The following AGAP1 variants were observed in gnomAD, a reference collection of about 807,000 sequenced individuals.
AGAP1 encodes ArfGAP with GTPase domain, ankyrin repeat and PH domain 1.
A neutral mutation model predicts 105.3 loss-of-function variants in AGAP1; 29 were observed. The observed-to-expected ratio is 0.28, with a 90% CI of 0.21 to 0.38. The LOEUF (loss-of-function observed/expected upper bound fraction) is 0.38. Among genes scored for constraint, AGAP1 ranks in the 10% least tolerant of loss-of-function variants. The probability of loss-of-function intolerance (pLI) is 1.00; values close to 1 mark genes in which losing one functional copy is unlikely to be tolerated. For missense variants in AGAP1, 998 were observed against 1,165.1 expected (o/e 0.86, Z 2.09); for synonymous variants, 509 against 485.9 (o/e 1.05, Z -0.63).
Position 235,599,946 on chromosome 2 carries a change from G to A in AGAP1, c.163+105097G>A, listed in dbSNP as rs984803573. On this transcript the variant is annotated intron_variant, in intron 1 of 17. Transcript: ENST00000304032. This position sits in a 1 kb window ranked among gnomAD's most constrained non-coding sequence, Gnocchi z 5.3. ...TCAGGGAAGTGCCTGTGTTCAGGGCGGAGGTTCCACTGTGATTTGAAAACA... is the reference window on the plus strand; with the variant it reads ...TCAGGGAAGTGCCTGTGTTCAGGGCAGAGGTTCCACTGTGATTTGAAAACA... Among the ~76,000 whole-genome samples the A allele has an allele frequency of 3.9e-5, 6 of 152,164 alleles. No individual in the cohort carries two copies. The highest frequency in any genetic ancestry group is 1.9e-4 in the East Asian group (1 of 5,186).
chr2:235,595,055 G>A (rs1045240140), intron 1 of AGAP1, among the ~76,000 whole-genome samples: 4 of 152,264 alleles, frequency 2.6e-5, no homozygotes, highest in African/African-American at 9.6e-5. Context: ...GGTGAGGCGG[G>A]TGTGGCGCCA....
At chr2:235,606,428 C>T (rs1393109535) in intron 1 of AGAP1, among the ~76,000 whole-genome samples, 3 of 152,292 alleles carry the variant, frequency 2.0e-5, no homozygotes, top group African/African-American at 2.4e-5. Context: ...ATGAGTTACT[C>T]GATTCAGAGA....
chr2:235,987,884 G>A (rs532085120), intron 13 of AGAP1, among the ~76,000 whole-genome samples: 9 of 152,050 alleles, frequency 5.9e-5, no homozygotes, highest in South Asian at 2.1e-4. Context: ...TGCGTAATAC[G>A]GAATTAAAGA....
chr2:235,604,570 A>T (rs1381493047), intron 1 of AGAP1, among the ~76,000 whole-genome samples: 8 of 92,628 alleles, frequency 8.6e-5, no homozygotes, highest in Admixed American at 1.2e-4. Context: ...TATTTTTATT[A>T]TCTTTTTTTT....
chr2:236,028,525 G>T lies in AGAP1; in HGVS notation c.1646-8036G>T, dbSNP rs191529030. Among the ~76,000 whole-genome samples, 1,095 of 152,190 alleles carry T rather than the reference G, an allele frequency of 7.2e-3. 10 individuals carry two copies. The highest frequency in any genetic ancestry group is 0.012 in the South Asian group (58 of 4,814). On this transcript the variant is annotated intron_variant, in intron 13 of 17. Coordinates refer to ENST00000304032, the MANE Select transcript of AGAP1 (RefSeq NM_001037131.3). ...GAAGGCATGCTTAAATACGATTTTT[G>T]TTTGCTAGTGTACATTTTGCAATTA...
At chr2:235,794,462 G>A (rs1399733678) in intron 6 of AGAP1, among the ~76,000 whole-genome samples, 1 of 152,084 alleles carries the variant, frequency 6.6e-6, no homozygotes, top group Non-Finnish European at 1.5e-5. Context: ...AAAGCTTCCA[G>A]ATTTTTTTTA....
chr2:236,010,457 T>C (rs1276168544), intron 13 of AGAP1, among the ~76,000 whole-genome samples: 1 of 152,206 alleles, frequency 6.6e-6, no homozygotes, highest in African/African-American at 2.4e-5. Context: ...CCTTAAGAAA[T>C]GTTCTGTGAA....
chr2:235,908,407 A>G lies in AGAP1; in HGVS notation c.1156-331A>G, dbSNP rs1021994321. ...TACTTGGAATTTATAGGAGGAGCCT[A>G]ATGTACCCTCTGATAAGCAAGAGTT... On this transcript the variant is annotated intron_variant, in intron 10 of 17. Coordinates refer to ENST00000304032, the MANE Select transcript of AGAP1 (RefSeq NM_001037131.3). The surrounding 1 kb of genome is among the most constrained non-coding windows in gnomAD (Gnocchi z 4.4). Among the ~76,000 whole-genome samples the G allele has an allele frequency of 2.0e-5, 3 of 152,196 alleles. No homozygotes were observed. Among genetic ancestry groups the G allele is most frequent in the Non-Finnish European group, 4.4e-5 (3 of 68,026 alleles).
At chr2:235,643,109 G>A (rs1947251911) in intron 1 of AGAP1, among the ~76,000 whole-genome samples, 5 of 152,118 alleles carry the variant, frequency 3.3e-5, no homozygotes, top group Admixed American at 2.0e-4. Context: ...CAGAGAGGGG[G>A]ACTGGCTGTG....
intron 1 of AGAP1, among the ~76,000 whole-genome samples, chr2:235,592,519 G>A (rs1945380739): frequency 6.6e-6 from 1 of 152,196 alleles, no homozygotes; most frequent in South Asian, 2.1e-4. Context: ...CTCCGGGCTT[G>A]CGGCTTGTGG....
Position 235,882,052 on chromosome 2 carries a change from TTTTTG to T in AGAP1, c.1051-1277_1051-1273del, listed in dbSNP as rs573880651. ...GGGTTTTTCTGGGGTTTTTTTGTGGTTTTTGTTTTGTTTTGTTTTGGTGGGTTTTT... is the reference window on the plus strand; with the variant it reads ...GGGTTTTTCTGGGGTTTTTTTGTGGTTTTTGTTTTGTTTTGGTGGGTTTTT... On this transcript the variant is annotated intron_variant, in intron 9 of 17. Coordinates refer to ENST00000304032, the MANE Select transcript of AGAP1 (RefSeq NM_001037131.3). This position sits in a 1 kb window ranked among gnomAD's most constrained non-coding sequence, Gnocchi z 4.6. Among the ~76,000 whole-genome samples, 35 of 152,152 alleles carry T rather than the reference TTTTTG, an allele frequency of 2.3e-4. No homozygotes were observed. The South Asian group carries it at 3.3e-3, about 14-fold the overall frequency.
rs1002022433 is a variant in AGAP1, at chr2:235,788,031, T to C, written c.674-9728T>C. ...AGTATTATACATTCTGGGACCTTCCTAGGCCATTGGCATCAACGCTGCAGC... is the reference window on the plus strand; with the variant it reads ...AGTATTATACATTCTGGGACCTTCCCAGGCCATTGGCATCAACGCTGCAGC... On this transcript the variant is annotated intron_variant, in intron 6 of 17. Transcript: ENST00000304032. This position sits in a 1 kb window ranked among gnomAD's most constrained non-coding sequence, Gnocchi z 6.0. 5.3e-5 allele frequency among the ~76,000 whole-genome samples: 8 copies of C among 152,230 alleles called. No individual in the cohort carries two copies. Among genetic ancestry groups the C allele is most frequent in the African/African-American group, 1.9e-4 (8 of 41,470 alleles).
At chr2:235,881,349 C>A (rs2050015555) in intron 9 of AGAP1, among the ~76,000 whole-genome samples, 1 of 152,116 alleles carries the variant, frequency 6.6e-6, no homozygotes, top group Admixed American at 6.5e-5. Context: ...ACTCGTGGGG[C>A]ATCTCGGCTT....
chr2:235,947,243 G>A (rs780484963), intron 12 of AGAP1, among the ~76,000 whole-genome samples: 1 of 152,072 alleles, frequency 6.6e-6, no homozygotes, highest in African/African-American at 2.4e-5. Context: ...CCTTTCACCT[G>A]AGTCCCAAAG....
At position 235,976,185 on chromosome 2, in the gene AGAP1, C is replaced by A; in HGVS notation, c.1645+7562C>A. ...TGATGGGAGCCACCATGCATCCCGA[C>A]GGACTTGCCTCCTCCCCACAAACTA... On this transcript the variant is annotated intron_variant, in intron 13 of 17. Coordinates refer to ENST00000304032, the MANE Select transcript of AGAP1 (RefSeq NM_001037131.3). The surrounding 1 kb of genome is among the most constrained non-coding windows in gnomAD (Gnocchi z 4.5). Among the ~76,000 whole-genome samples, 1 of 152,296 alleles carries A rather than the reference C, an allele frequency of 6.6e-6. No individual in the cohort carries two copies. The highest frequency in any genetic ancestry group is 3.4e-3 in the Middle Eastern group (1 of 294).
At chr2:235,501,881 T>A (rs921187961) in intron 1 of AGAP1, among the ~76,000 whole-genome samples, 8 of 152,222 alleles carry the variant, frequency 5.3e-5, no homozygotes, top group Non-Finnish European at 1.2e-4. Flanking sequence ...GGGTTTGAGG[T>A]TCTGATCTGG....
At position 236,083,847 on chromosome 2, in the gene AGAP1, C is replaced by T. The variant is rs1200498998; in HGVS notation, c.2114+34566C>T. 2.0e-5 allele frequency among the ~76,000 whole-genome samples: 3 copies of T among 152,074 alleles called. No individual in the cohort carries two copies. The highest frequency in any genetic ancestry group is 1.5e-5 in the Non-Finnish European group (1 of 68,048). ...GAGATCCCATTCGATGCTCTGCCCT[C>T]AATTAAATGAATCCGAGATAAATGG... On this transcript the variant is annotated intron_variant, in intron 16 of 17. Coordinates refer to ENST00000304032, the MANE Select transcript of AGAP1 (RefSeq NM_001037131.3). This position sits in a 1 kb window ranked among gnomAD's most constrained non-coding sequence, Gnocchi z 5.3.
In AGAP1 at chr2:235,865,164, G is replaced by A. The variant is rs908896397; in HGVS notation, c.1051-18181G>A. On this transcript the variant is annotated intron_variant, in intron 9 of 17. Transcript: ENST00000304032. The surrounding 1 kb of genome is among the most constrained non-coding windows in gnomAD (Gnocchi z 6.2). ...CTTTTCTTTATTATCCCAAATTACTGCTGAGCTCTGGAGAGGGGAGCAGTT... is the reference window on the plus strand; with the variant it reads ...CTTTTCTTTATTATCCCAAATTACTACTGAGCTCTGGAGAGGGGAGCAGTT... Among the ~76,000 whole-genome samples, 5 of 152,182 alleles carry A rather than the reference G, an allele frequency of 3.3e-5. No homozygotes were observed. The highest frequency in any genetic ancestry group is 1.2e-4 in the African/African-American group (5 of 41,434).
chr2:236,028,968 C>G (rs2057138374), intron 13 of AGAP1, among the ~76,000 whole-genome samples: 1 of 152,100 alleles, frequency 6.6e-6, no homozygotes, highest in Admixed American at 6.6e-5. Context: ...AGAAATTGGA[C>G]ATTCTACTTA....
Sources: allele counts gnomAD v4.1 joint callset (sites outside exome capture counted in the v4.1 genomes callset), GRCh38; gene constraint gnomAD v4.1.1; non-coding constraint Gnocchi (gnomAD v3.1); transcripts MANE v1.5; gene names NCBI Gene and HGNC (gene_info 2026-07-23, HGNC 2026-07-21).